NBPF3: variants seen among roughly 807,000 people sequenced by gnomAD.
NBPF3 encodes the protein NBPF member 3, also known as NBPF family member NBPF3.
NBPF3 carries 57 observed loss-of-function variants against 78.1 expected under a neutral mutation model. The ratio of observed to expected loss-of-function variants is 0.73; its 90% confidence interval spans 0.59 to 0.91. NBPF3 has a LOEUF of 0.91. Ranked by LOEUF, NBPF3 falls within the 40% of genes least tolerant of loss-of-function variation. The pLI is 0.00. For missense variants in NBPF3, 510 were observed against 715.3 expected, an observed-to-expected ratio of 0.71 and a Z score of 3.27; for synonymous variants, 182 against 271.7, an observed-to-expected ratio of 0.67 and a Z score of 3.25.
At chr1:21,477,995 G>GA in intron 8 of NBPF3, 149 bp from the exon 9 acceptor site, 1 of 1,553,378 alleles carries the variant, frequency 6.4e-7, no homozygotes, top group South Asian at 1.2e-5. Context: ...CCTGCATTTA[G>GA]AAGGATAGTT....
intron 2 of NBPF3, among the ~76,000 whole-genome samples, chr1:21,455,736 G>C (rs1189150426): frequency 1.3e-5 from 2 of 152,226 alleles, no homozygotes; most frequent in Non-Finnish European, 2.9e-5. Flanking sequence ...CAAAGGTGCA[G>C]CTCTCAAAGT....
intron 2 of NBPF3, among the ~76,000 whole-genome samples, chr1:21,461,277 T>TA (rs1641934100): frequency 4.7e-5 from 1 of 21,130 alleles, no homozygotes; most frequent in South Asian, 4.7e-3. Flanking sequence ...CATAGTTACT[T>TA]ACGCACAGTA....
chr1:21,447,789 C>T (rs1185374627), intron 2 of NBPF3, among the ~76,000 whole-genome samples: 1 of 152,166 alleles, frequency 6.6e-6, no homozygotes, highest in East Asian at 1.9e-4. Flanking sequence ...ATGGAAAGTT[C>T]TGGTTGCTCC....
upstream of NBPF3, chr1:21,437,534 T>G (rs1569881800): frequency 7.2e-7 from 1 of 1,387,998 alleles, no homozygotes; most frequent in Non-Finnish European, 9.6e-7. Context: ...CCTGAGCAGG[T>G]GCTGGGGAGG....
chr1:21,471,895 T>G, intron 5 of NBPF3, 112 bp downstream of exon 5: 1 of 1,410,536 alleles, frequency 7.1e-7, no homozygotes, highest in Non-Finnish European at 9.9e-7. Flanking sequence ...CCACTAAACG[T>G]ATGTGGCCGT....
Position 21,483,383 on chromosome 1 carries a change from C to A in NBPF3, c.1899C>A (p.His633Gln), listed in dbSNP as rs151217608. 3.6e-6 allele frequency: 3 copies of A among 836,826 alleles called. No individual in the cohort carries two copies. The South Asian group carries it at 5.6e-5, about 16-fold the overall frequency. The allele number at this position is 836,826 out of a possible 1,614,324, so 51.8% of individuals were successfully genotyped here. Residue 633 changes from histidine to glutamine, a missense_variant, in exon 15 of 15, where the codon CAC (histidine) becomes CAA (glutamine). His to Gln is a conservative substitution (Grantham distance 24). Around this residue, in one of 5 missense-constraint regions of NBPF3, gnomAD observed 18 missense variants for 65.2 expected, o/e 0.28. Coordinates refer to ENST00000318249, the MANE Select transcript of NBPF3 (RefSeq NM_032264.6). ...TCCAGATGGGAGTCATATTCCCACACTAAGCAGCCCTTACTAAGCTGAGAG... is the reference window on the plus strand; with the variant it reads ...TCCAGATGGGAGTCATATTCCCACAATAAGCAGCCCTTACTAAGCTGAGAG... ...LAFQMGVIFP[H>Q]
In NBPF3 at chr1:21,476,576, C is replaced by G. The variant is rs1642899039; in HGVS notation, c.993-1568C>G. The stretch of plus-strand genomic sequence containing the variant: ...AGTATGAAATTCTGGGTTGAAAATT[C>G]TTTTGTTTATGAATGTCGAATATTG... On this transcript the variant is annotated intron_variant, in intron 8 of 14. Coordinates refer to ENST00000318249, the MANE Select transcript of NBPF3 (RefSeq NM_032264.6). This position sits in a 1 kb window ranked among gnomAD's most constrained non-coding sequence, Gnocchi z 4.1. 6.6e-6 allele frequency among the ~76,000 whole-genome samples: 1 copy of G among 152,156 alleles called. No individual in the cohort carries two copies. Among genetic ancestry groups the G allele is most frequent in the Non-Finnish European group, 1.5e-5 (1 of 68,038 alleles).
upstream of NBPF3, among the ~76,000 whole-genome samples, chr1:21,437,117 TCCCTGGTCATGCAGAGCCAGGA>T (rs1640440980): frequency 6.6e-6 from 1 of 151,852 alleles, no homozygotes; most frequent in Non-Finnish European, 1.5e-5. Context: ...GGGAGACAGG[TCCCTGGTCATGCAGAGCCAGGA>T]CCCTGGGAAA....
At chr1:21,449,920 CATTGATTGATTGATTGATTGATGG>C (rs1558478344) in intron 2 of NBPF3, 1 of 264,390 alleles carries the variant, frequency 3.8e-6, no homozygotes, top group Non-Finnish European at 5.9e-6. Flanking sequence ...GTAGTTCTTT[CATTGATTGATTGATTGATTGATGG>C]ATTGATTGAT....
Position 21,445,208 on chromosome 1 carries a change from G to A in NBPF3, c.122G>A (p.Arg41Gln), listed in dbSNP as rs79181421. 5.6e-6 allele frequency: 9 copies of A among 1,611,584 alleles called. No individual in the cohort carries two copies. Among genetic ancestry groups the A allele is most frequent in the Admixed American group, 1.7e-5 (1 of 59,974 alleles). Residue 41 changes from arginine to glutamine, a missense_variant, in exon 2 of 15, where the codon CGA becomes CAA. Arg to Gln is a conservative substitution (Grantham distance 43). This residue lies in a region of NBPF3 where 440 missense variants were observed against 478.2 expected (regional missense o/e 0.92). Coordinates refer to ENST00000318249, the MANE Select transcript of NBPF3 (RefSeq NM_032264.6). ...SHGVGRHQEL[R>Q]DPTVPGPTSS... ...GGTGTGGGCCGACATCAAGAGCTGC[G>A]AGATCCAACAGGTAAAAATCCCGAG...
intron 1 of NBPF3, among the ~76,000 whole-genome samples, chr1:21,442,705 C>T (rs575566251): frequency 1.3e-5 from 2 of 151,928 alleles, no homozygotes; most frequent in South Asian, 4.2e-4. Context: ...ACTCTATTGC[C>T]CAGGCTAGAG....
chr1:21,441,645 TG>T (rs1165405532), intron 1 of NBPF3, among the ~76,000 whole-genome samples: 3 of 149,668 alleles, frequency 2.0e-5, no homozygotes, highest in Admixed American at 1.3e-4. Flanking sequence ...AGGTTGAGAT[TG>T]CAGTGAGCCG....
chr1:21,473,507 G>C lies in NBPF3; in HGVS notation c.862G>C (p.Glu288Gln). ...TTACGGGAACACCAGAATCACATTTGAGGAAGACCAAGTCGACTCAACTCT... is the reference window on the plus strand; with the variant it reads ...TTACGGGAACACCAGAATCACATTTCAGGAAGACCAAGTCGACTCAACTCT... ...QPYGNTRITF[E>Q]EDQVDSTLID... The change falls in exon 7 of 15, where the codon GAG becomes CAG. Residue 288 changes from glutamate to glutamine, a missense_variant. Glu to Gln is a conservative substitution (Grantham distance 29, BLOSUM62 2). Transcript: ENST00000318249. 1 of 1,614,170 alleles carries C rather than the reference G, an allele frequency of 6.2e-7. No individual in the cohort carries two copies. Among genetic ancestry groups the C allele is most frequent in the Non-Finnish European group, 8.5e-7 (1 of 1,180,030 alleles).
At chr1:21,462,308 C>T (rs1238356620) in intron 2 of NBPF3, among the ~76,000 whole-genome samples, 1 of 152,208 alleles carries the variant, frequency 6.6e-6, no homozygotes, top group Admixed American at 6.5e-5. Flanking sequence ...GCAAGGACCA[C>T]ATCAGAACTC....
chr1:21,467,116 C>A (rs1642314731), intron 2 of NBPF3: 1 of 984,854 alleles, frequency 1.0e-6, no homozygotes, highest in East Asian at 1.1e-4. Context: ...AATGTCAGGT[C>A]TCCCAGATGC....
intron 3 of NBPF3, among the ~76,000 whole-genome samples, chr1:21,470,379 T>TC (rs1373123577): frequency 2.0e-5 from 3 of 152,228 alleles, no homozygotes; most frequent in Admixed American, 2.0e-4. Flanking sequence ...GAATTCTGAC[T>TC]CCACTTCATT....
intron 2 of NBPF3, among the ~76,000 whole-genome samples, chr1:21,452,499 T>C (rs1477761309): frequency 1.3e-5 from 2 of 152,192 alleles, no homozygotes; most frequent in Non-Finnish European, 2.9e-5. Flanking sequence ...ACAGGGGAGA[T>C]AGTGGAACAG....
chr1:21,472,984 C>A, intron 6 of NBPF3, 69 bp downstream of exon 6: 2 of 1,197,854 alleles, frequency 1.7e-6, no homozygotes, highest in Non-Finnish European at 2.5e-6. Flanking sequence ...GGCACACCCT[C>A]TCTGGCATCT....
At chr1:21,480,703 T>G (rs1483279612) in intron 11 of NBPF3, among the ~76,000 whole-genome samples, 1 of 152,306 alleles carries the variant, frequency 6.6e-6, no homozygotes, top group Non-Finnish European at 1.5e-5. Context: ...TAAATGATTT[T>G]GGGATAACTG....
Sources: gnomAD v4.1 joint callset for allele counts (sites outside exome capture counted in the v4.1 genomes callset) on GRCh38, gnomAD v4.1.1 for gene constraint, gnomAD v4.1.1 regional missense constraint, Gnocchi (gnomAD v3.1) non-coding constraint, MANE v1.5 for transcripts, NCBI Gene and HGNC (gene_info 2026-07-23, HGNC 2026-07-21) for gene names.